CENPC: variants seen among roughly 807,000 people sequenced by gnomAD.
CENPC encodes the protein centromere protein C, also known as CENP-C 1.
A neutral mutation model predicts 112.1 loss-of-function variants in CENPC; 63 were observed. That is an observed-to-expected ratio of 0.56 (90% CI 0.46 to 0.69). The LOEUF (loss-of-function observed/expected upper bound fraction) is 0.69. Among genes scored for constraint, CENPC ranks in the 30% least tolerant of loss-of-function variants. The pLI is 0.00. For synonymous variants in CENPC, 333 were observed against 367.6 expected, an observed-to-expected ratio of 0.91 and a Z score of 1.08; for missense variants, 1,000 against 1,103.8, an observed-to-expected ratio of 0.91 and a Z score of 1.33.
intron 18 of CENPC, among the ~76,000 whole-genome samples, chr4:67,473,366 C>G (rs955883210): frequency 1.3e-5 from 2 of 152,182 alleles, no homozygotes; most frequent in African/African-American, 4.8e-5. Flanking sequence ...ATCACTGTGA[C>G]TTTCTATATA....
chr4:67,521,575 A>G (rs1393138683), intron 5 of CENPC, among the ~76,000 whole-genome samples: 2 of 152,336 alleles, frequency 1.3e-5, no homozygotes, highest in East Asian at 3.9e-4. Context: ...TTGTGCATGC[A>G]CTGCTAGTGT....
intron 15 of CENPC, among the ~76,000 whole-genome samples, chr4:67,492,575 A>G (rs1725313686): frequency 6.6e-6 from 1 of 152,220 alleles, no homozygotes; most frequent in South Asian, 2.1e-4. Context: ...AGAGGTATAT[A>G]AAACACTTTA....
intron 12 of CENPC, among the ~76,000 whole-genome samples, chr4:67,495,776 C>A (rs1263295638): frequency 6.6e-6 from 1 of 152,150 alleles, no homozygotes; most frequent in Non-Finnish European, 1.5e-5. Context: ...CTATCTGTAA[C>A]TTTCTCTTTA....
intron 7 of CENPC, among the ~76,000 whole-genome samples, chr4:67,516,964 G>A (rs990020625): frequency 2.6e-5 from 4 of 151,902 alleles, no homozygotes; most frequent in East Asian, 1.9e-4. Context: ...ACTCACTAGA[G>A]TATCAAAAAG....
chr4:67,497,705 G>T (rs1471379832), intron 12 of CENPC, among the ~76,000 whole-genome samples: 13 of 151,942 alleles, frequency 8.6e-5, no homozygotes, highest in African/African-American at 3.1e-4. Flanking sequence ...GCTAATTTTT[G>T]TATTTTTTGT....
chr4:67,507,662 A>G (rs990776109), intron 10 of CENPC, among the ~76,000 whole-genome samples: 2 of 152,150 alleles, frequency 1.3e-5, no homozygotes, highest in African/African-American at 4.8e-5. Context: ...TGCTTTTACC[A>G]AACATTCAAA....
chr4:67,489,975 C>A lies in CENPC; in HGVS notation c.2662G>T (p.Asp888Tyr). The A allele has an allele frequency of 6.4e-7, 1 of 1,574,630 alleles. No individual in the cohort carries two copies. The highest frequency in any genetic ancestry group is 8.6e-7 in the Non-Finnish European group (1 of 1,161,208). ...ATAAAAAAAGTACTCACCAATATATCCTGGCCAACATGCTGCTTTCCCTTT... is the reference window on the plus strand; with the variant it reads ...ATAAAAAAAGTACTCACCAATATATACTGGCCAACATGCTGCTTTCCCTTT... ...EEKGKQHVGQDILVFYVNFGD... is the reference protein window; with the variant it reads ...EEKGKQHVGQYILVFYVNFGD... Residue 888 changes from aspartate (D) to tyrosine (Y), a missense_variant, in exon 17 of 19, where the codon GAT (aspartate) becomes TAT (tyrosine). Asp to Tyr is a radical substitution (Grantham distance 160, BLOSUM62 -3). Transcript: ENST00000273853.
Position 67,470,172 on chromosome 4 carries a change from A to G in CENPC, c.*2433T>C, listed in dbSNP as rs1243682888. The G allele has an allele frequency of 2.0e-5, 3 of 152,284 alleles. No homozygotes were observed. Among genetic ancestry groups the G allele is most frequent in the East Asian group, 1.9e-4 (1 of 5,200 alleles). The allele number at this position is 152,284 out of a possible 1,614,324, so 9.4% of individuals were successfully genotyped here. A position where few individuals can be genotyped will look rare whatever the true frequency, so the allele number is the denominator to read the frequency against. On this transcript the variant is annotated 3_prime_UTR_variant, in exon 19 of 19. Coordinates refer to ENST00000273853, the MANE Select transcript of CENPC (RefSeq NM_001812.4). The stretch of plus-strand genomic sequence containing the variant: ...AAATTCTGAGACATGACAGAAGCCT[A>G]TGAGCTGAACAGAGTACAGAGGTGG...
Position 67,474,951 on chromosome 4 carries a change from A to G in CENPC, c.2698T>C (p.Leu900=). ...LVFYVNFGDL[L]CTLHETPYIL... is the part of the protein sequence containing the mutation. ...TAAGGTGTTTCATGTAAAGTACACA[A>G]AAGGTCACCAAAGTTAACATAAAAA... Residue 900 remains leucine (L), a synonymous_variant, in exon 18 of 19, where the codon TTG becomes CTG. Transcript: ENST00000273853. The G allele has an allele frequency of 2.6e-6, 4 of 1,561,884 alleles. No homozygotes were observed. Among genetic ancestry groups the G allele is most frequent in the Non-Finnish European group, 3.5e-6 (4 of 1,150,754 alleles).
At chr4:67,474,828 T>C in intron 18 of CENPC, 60 bp downstream of exon 18, 1 of 979,538 alleles carries the variant, frequency 1.0e-6, no homozygotes, top group Non-Finnish European at 1.6e-6. Context: ...GTGGCTTCCA[T>C]TTCCATAGTG....
intron 5 of CENPC, among the ~76,000 whole-genome samples, chr4:67,522,544 G>A (rs1198880856): frequency 6.6e-6 from 1 of 152,192 alleles, no homozygotes; most frequent in Non-Finnish European, 1.5e-5. Flanking sequence ...GGAAGAGAGA[G>A]AGAGAAGGAG....
At chr4:67,538,528 G>GT (rs1171462942) in intron 4 of CENPC, among the ~76,000 whole-genome samples, 1 of 152,220 alleles carries the variant, frequency 6.6e-6, no homozygotes, top group Non-Finnish European at 1.5e-5. Context: ...ATTTCCAGAT[G>GT]TGACACACAG....
At chr4:67,485,900 G>T (rs928530169) in intron 17 of CENPC, among the ~76,000 whole-genome samples, 5 of 152,086 alleles carry the variant, frequency 3.3e-5, no homozygotes, top group African/African-American at 4.8e-5. Flanking sequence ...AATGGCAAAG[G>T]GGGGGAGTTT....
chr4:67,492,271 A>G lies in CENPC; in HGVS notation c.2424T>C (p.Thr808=). Residue 808 remains threonine, a synonymous_variant, in exon 16 of 19, where the codon ACT becomes ACC. Coordinates refer to ENST00000273853, the MANE Select transcript of CENPC (RefSeq NM_001812.4). The part of the protein sequence containing the change: ...RICLDNDERK[T]NLMVNLGIPL... The stretch of plus-strand genomic sequence containing the variant: ...GTATACCTAGATTTACCATTAAGTT[A>G]GTCTCTGCAAAAGAAATACCATTGA... The G allele has an allele frequency of 6.5e-7, 1 of 1,549,874 alleles. No individual in the cohort carries two copies. Among genetic ancestry groups the G allele is most frequent in the Non-Finnish European group, 8.8e-7 (1 of 1,142,738 alleles).
chr4:67,526,881 A>C (rs1288643454), intron 5 of CENPC, among the ~76,000 whole-genome samples: 1 of 152,192 alleles, frequency 6.6e-6, no homozygotes, highest in Non-Finnish European at 1.5e-5. Flanking sequence ...AAAGACATGC[A>C]ATATCTTGGG....
At chr4:67,521,204 CA>C (rs71219050) in intron 5 of CENPC, among the ~76,000 whole-genome samples, 17 of 131,432 alleles carry the variant, frequency 1.3e-4, no homozygotes, top group Non-Finnish European at 1.6e-4. Context: ...CAAAACAAAC[CA>C]AAAAAAAAAA....
chr4:67,476,228 C>G (rs1560416870), intron 17 of CENPC, among the ~76,000 whole-genome samples: 1 of 152,114 alleles, frequency 6.6e-6, no homozygotes, highest in Non-Finnish European at 1.5e-5. Context: ...ACTTTTTTGC[C>G]AGAAGAACTA....
In CENPC at chr4:67,489,952, A is replaced by T. The variant is rs1189092343; in HGVS notation, c.2670+15T>A. 4.7e-6 allele frequency: 7 copies of T among 1,491,274 alleles called. No individual in the cohort carries two copies. Among genetic ancestry groups the T allele is most frequent in the Non-Finnish European group, 6.2e-6 (7 of 1,120,710 alleles). 92.4% of individuals were successfully genotyped at this position (1,491,274 alleles called of 1,614,324 possible). ...TACCAAGAGTGAAACATAAATATAT[A>T]AAAAAAGTACTCACCAATATATCCT... On this transcript the variant is annotated intron_variant, in intron 17 of 18. Transcript: ENST00000273853.
intron 18 of CENPC, among the ~76,000 whole-genome samples, chr4:67,473,316 G>A (rs560107337): frequency 2.0e-5 from 3 of 152,104 alleles, no homozygotes; most frequent in African/African-American, 4.8e-5. Flanking sequence ...CAGATGGACC[G>A]CAAGTATCAC....
Sources: gnomAD v4.1 joint callset for allele counts (sites outside exome capture counted in the v4.1 genomes callset) on GRCh38, gnomAD v4.1.1 for gene constraint, MANE v1.5 for transcripts, NCBI Gene and HGNC (gene_info 2026-07-23, HGNC 2026-07-21) for gene names.